The following SPATA13 variants were observed in gnomAD, a reference collection of about 807,000 sequenced individuals.
SPATA13 encodes spermatogenesis associated 13.
SPATA13 carries 50 observed loss-of-function variants against 104.0 expected under a neutral mutation model. That is an observed-to-expected ratio of 0.48 (90% CI 0.38 to 0.61). The LOEUF (loss-of-function observed/expected upper bound fraction) is 0.61, where lower values mean the gene tolerates loss of function less well. SPATA13 is among the 20% of genes least tolerant of loss of function. The pLI, the probability that SPATA13 is intolerant of heterozygous loss-of-function variation, is 0.00. For synonymous variants in SPATA13, 606 were observed against 667.5 expected, an observed-to-expected ratio of 0.91 and a Z score of 1.42; for missense variants, 1,524 against 1,690.6, an observed-to-expected ratio of 0.90 and a Z score of 1.73.
chr13:24,237,167 C>T (rs1218525608), intron 2 of SPATA13, among the ~76,000 whole-genome samples: 1 of 151,760 alleles, frequency 6.6e-6, no homozygotes, highest in Non-Finnish European at 1.5e-5. Context: ...ACCAGCCTGG[C>T]CAACATGGTG....
chr13:24,048,531 C>T (rs1219115085), intron 3 of SPATA13, among the ~76,000 whole-genome samples: 3 of 151,812 alleles, frequency 2.0e-5, no homozygotes, highest in Non-Finnish European at 4.4e-5. Context: ...AATTTACATC[C>T]TACAAATATG....
intron 2 of SPATA13, among the ~76,000 whole-genome samples, chr13:24,242,660 C>T (rs1038069579): frequency 3.3e-5 from 5 of 152,130 alleles, no homozygotes; most frequent in African/African-American, 1.2e-4. Flanking sequence ...ATTTGAAAAT[C>T]TAAGATTTGT....
chr13:24,258,641 C>G (rs1480074817), intron 4 of SPATA13, among the ~76,000 whole-genome samples: 1 of 152,024 alleles, frequency 6.6e-6, no homozygotes, highest in Non-Finnish European at 1.5e-5. Context: ...TGCACCCAGC[C>G]TGGGCAACAG....
intron 1 of SPATA13, among the ~76,000 whole-genome samples, chr13:24,179,200 G>T (rs1868629099): frequency 6.6e-6 from 1 of 152,130 alleles, no homozygotes; most frequent in Non-Finnish European, 1.5e-5. Context: ...TGGGTTGTTT[G>T]TACTTTTTAG....
chr13:24,285,281 T>C (rs1875848653), intron 5 of SPATA13, among the ~76,000 whole-genome samples: 1 of 152,138 alleles, frequency 6.6e-6, no homozygotes, highest in Non-Finnish European at 1.5e-5. Flanking sequence ...GATGCAAAAC[T>C]TACTCGAATT....
Position 24,178,099 on chromosome 13 carries a change from C to T in SPATA13, c.-112+17167C>T, listed in dbSNP as rs933424163. Among the ~76,000 whole-genome samples, 13 of 152,298 alleles carry T rather than the reference C, an allele frequency of 8.5e-5. No homozygotes were observed. The South Asian group carries it at 2.7e-3, about 32-fold the overall frequency. On this transcript the variant is annotated intron_variant, in intron 1 of 12. Coordinates refer to ENST00000382108, the MANE Select transcript of SPATA13 (RefSeq NM_001166271.3). The stretch of plus-strand genomic sequence containing the variant: ...GAACTCCTAGATTCCAATGATCCTC[C>T]CACCTTGGCCTCCCAAAGTGCTGGG...
At chr13:24,302,000 T>A (rs1456916567) in intron 12 of SPATA13, among the ~76,000 whole-genome samples, 1 of 152,132 alleles carries the variant, frequency 6.6e-6, no homozygotes, top group Non-Finnish European at 1.5e-5. Context: ...TCCCAGCTGA[T>A]AAATGGCACA....
intron 9 of SPATA13, among the ~76,000 whole-genome samples, chr13:24,291,817 C>T (rs955926410): frequency 3.4e-5 from 5 of 148,138 alleles, no homozygotes; most frequent in African/African-American, 1.0e-4. Flanking sequence ...ACTGCAGTGG[C>T]GCAATCTCGG....
intron 4 of SPATA13, among the ~76,000 whole-genome samples, chr13:24,275,090 T>C (rs2138704918): frequency 6.6e-6 from 1 of 152,240 alleles, no homozygotes; most frequent in East Asian, 1.9e-4. Flanking sequence ...GTAACAATCC[T>C]TCCAATTTAA....
intron 2 of SPATA13, among the ~76,000 whole-genome samples, chr13:24,229,697 G>A (rs146027292): frequency 1.3e-5 from 2 of 152,212 alleles, no homozygotes; most frequent in Non-Finnish European, 2.9e-5. Flanking sequence ...TTGACATCAT[G>A]CTACTTAAAA....
At chr13:24,238,132 C>CTTTTTTT (rs66810619) in intron 2 of SPATA13, among the ~76,000 whole-genome samples, 17 of 77,142 alleles carry the variant, frequency 2.2e-4, no homozygotes, top group East Asian at 4.1e-4. Flanking sequence ...TTCTTCTTGA[C>CTTTTTTT]TTTTTTTTTT....
chr13:24,145,004 A>G (rs1427721826), intron 3 of SPATA13, among the ~76,000 whole-genome samples: 1 of 152,170 alleles, frequency 6.6e-6, no homozygotes, highest in Non-Finnish European at 1.5e-5. Context: ...GGGTAGTGAT[A>G]AGGTGGGAGG....
chr13:24,066,647 G>T (rs1878974426), intron 3 of SPATA13, among the ~76,000 whole-genome samples: 1 of 152,152 alleles, frequency 6.6e-6, no homozygotes, highest in Non-Finnish European at 1.5e-5. Context: ...GCCAGCCCCT[G>T]CCTTCATGGG....
chr13:24,080,797 A>T (rs1394159092), intron 3 of SPATA13, among the ~76,000 whole-genome samples: 2 of 152,184 alleles, frequency 1.3e-5, no homozygotes, highest in East Asian at 3.9e-4. Context: ...GTTGTGCATT[A>T]CTGTATGCCT....
At chr13:24,301,702 G>A (rs1012552901) in intron 12 of SPATA13, among the ~76,000 whole-genome samples, 1 of 152,218 alleles carries the variant, frequency 6.6e-6, no homozygotes, top group African/African-American at 2.4e-5. Flanking sequence ...TCTGAGCCAA[G>A]GCCTTCCTGC....
At chr13:24,029,848 T>G (rs1407994576) in intron 3 of SPATA13, among the ~76,000 whole-genome samples, 1 of 152,096 alleles carries the variant, frequency 6.6e-6, no homozygotes, top group African/African-American at 2.4e-5. Flanking sequence ...ATCATTTAGC[T>G]CTCACTTATA....
chr13:24,030,417 T>A (rs1217263719), intron 3 of SPATA13, among the ~76,000 whole-genome samples: 1 of 152,178 alleles, frequency 6.6e-6, no homozygotes, highest in Non-Finnish European at 1.5e-5. Flanking sequence ...TGTCAATGGT[T>A]TCAGTAGGGT....
At chr13:24,274,671 A>G (rs1306884561) in intron 4 of SPATA13, among the ~76,000 whole-genome samples, 1 of 152,250 alleles carries the variant, frequency 6.6e-6, no homozygotes, top group African/African-American at 2.4e-5. Context: ...TCTGTTTTTA[A>G]GATGGGAAGT....
intron 10 of SPATA13, among the ~76,000 whole-genome samples, chr13:24,295,434 G>A (rs1229058862): frequency 6.6e-6 from 1 of 151,972 alleles, no homozygotes; most frequent in Non-Finnish European, 1.5e-5. Flanking sequence ...AACATGGCAA[G>A]ACCCCATCTC....
Sources: allele counts gnomAD v4.1 joint callset (sites outside exome capture counted in the v4.1 genomes callset), GRCh38; gene constraint gnomAD v4.1.1; transcripts MANE v1.5; gene names NCBI Gene and HGNC (gene_info 2026-07-23, HGNC 2026-07-21).